TTN: variants seen among roughly 807,000 people sequenced by gnomAD.
TTN encodes the protein titin, also known as connectin.
In TTN, 1,525 loss-of-function variants were observed where a neutral mutation model predicts 3,223.0. That is an observed-to-expected ratio of 0.47 (90% CI 0.45 to 0.49). The LOEUF (loss-of-function observed/expected upper bound fraction) is 0.49, where lower values mean the gene tolerates loss of function less well. Ranked by LOEUF, TTN falls within the 20% of genes least tolerant of loss-of-function variation. The probability of loss-of-function intolerance (pLI) is 0.00; values close to 1 mark genes in which losing one functional copy is unlikely to be tolerated. For missense variants in TTN, 40,786 were observed against 43,424.0 expected (o/e 0.94, Z 5.40); for synonymous variants, 14,094 against 15,161.0 (o/e 0.93, Z 5.17).
intron 24 of TTN, chr2:178,778,426 CAAAA>C: frequency 7.4e-6 from 2 of 269,302 alleles, no homozygotes; most frequent in South Asian, 4.4e-5. Context: ...CAAAACAAAG[CAAAA>C]CAAGACTCCA....
In TTN at chr2:178,714,093, G is replaced by A. The variant is rs543103367; in HGVS notation, c.26565C>T (p.Gly8855=). ...ACCACTTAGTACTGAGTTCAGGGGT[G>A]CCAGCTACTGTACACTCCAAGGTAC... The part of the protein sequence containing the change: ...DTCTLECTVA[G]TPELSTKWFK... Residue 8855 remains glycine (G), a synonymous_variant, in exon 92 of 363, where the codon GGC becomes GGT. Transcript: ENST00000589042. The A allele has an allele frequency of 6.2e-7, 1 of 1,613,658 alleles. No homozygotes were observed. The highest frequency in any genetic ancestry group is 1.7e-5 in the Admixed American group (1 of 59,986).
At chr2:178,602,651 C>G in intron 282 of TTN, 61 bp from the exon 283 acceptor site, 1 of 1,280,644 alleles carries the variant, frequency 7.8e-7, no homozygotes, top group South Asian at 1.8e-5. Flanking sequence ...GTGCTGGAGT[C>G]TTTTACTACA....
Position 178,621,265 on chromosome 2 carries a change from C to T in TTN, c.45453G>A (p.Gln15151=). Residue 15151 remains glutamine, a synonymous_variant, in exon 246 of 363, where the codon CAG becomes CAA. Transcript: ENST00000589042. ...CSISKESFPV[Q]WKRDDKTLES... The stretch of plus-strand genomic sequence containing the variant: ...CAAGTGTCTTATCATCCCTCTTCCA[C>T]TGGACTGGAAAGCTTTCTTTTGATA... The T allele has an allele frequency of 1.9e-6, 3 of 1,612,300 alleles. No homozygotes were observed. In the African/African-American group the frequency reaches 4.0e-5, roughly 22 times the overall value.
chr2:178,693,681 C>A lies in TTN; in HGVS notation c.31522G>T (p.Val10508Leu). 6.3e-7 allele frequency: 1 copy of A among 1,593,972 alleles called. No homozygotes were observed. Among genetic ancestry groups the A allele is most frequent in the Non-Finnish European group, 8.6e-7 (1 of 1,166,948 alleles). Residue 10508 changes from valine to leucine, a missense_variant, in exon 119 of 363, where the codon GTA becomes TTA. Val to Leu is a conservative substitution (Grantham distance 32, BLOSUM62 1). Coordinates refer to ENST00000589042, the MANE Select transcript of TTN (RefSeq NM_001267550.2). The part of the protein sequence containing the change: ...EEEVSVTVPE[V>L]QKEIVTEEKI... ...TCTTCAGTAACAATTTCCTTTTGTA[C>A]CTCGGGGACTTAAAAAAATGTACAT...
chr2:178,599,983 G>T, intron 288 of TTN, 133 bp from the exon 289 acceptor site: 1 of 831,692 alleles, frequency 1.2e-6, no homozygotes, highest in Non-Finnish European at 1.8e-6. Context: ...ATAAAGAATG[G>T]TTCTGTCTTT....
At position 178,652,256 on chromosome 2, in the gene TTN, G is replaced by A. The variant is rs778828307; in HGVS notation, c.39211+8C>T. 2.7e-5 allele frequency: 43 copies of A among 1,613,468 alleles called. No homozygotes were observed. The South Asian group carries it at 4.3e-4, about 16-fold the overall frequency. On this transcript the variant is annotated splice_region_variant and intron_variant, in intron 203 of 362. Coordinates refer to ENST00000589042, the MANE Select transcript of TTN (RefSeq NM_001267550.2). Reference sequence around the variant, plus strand: ...CAATATCAAACACAGCACCATGAGGGTGTCTACCTTTTGTGGGTGGCACTT... The same window carrying A: ...CAATATCAAACACAGCACCATGAGGATGTCTACCTTTTGTGGGTGGCACTT...
In TTN at chr2:178,617,980, T is replaced by G. The variant is rs1269031927; in HGVS notation, c.47371A>C (p.Thr15791Pro). 1 of 1,612,670 alleles carries G rather than the reference T, an allele frequency of 6.2e-7. No individual in the cohort carries two copies. The highest frequency in any genetic ancestry group is 8.5e-7 in the Non-Finnish European group (1 of 1,179,128). The part of the protein sequence containing the change: ...PPEYDGGAEI[T>P]NYVIELRDKT... ...TCTCTTAATTCAATGACGTAGTTTG[T>G]GATCTCAGCACCTCCATCATACTCT... The change falls in exon 253 of 363, where the codon ACA becomes CCA. Residue 15791 changes from threonine (T) to proline (P), a missense_variant. Thr to Pro is a conservative substitution (Grantham distance 38). Transcript: ENST00000589042.
At position 178,692,559 on chromosome 2, in the gene TTN, G is replaced by C; in HGVS notation, c.31616C>G (p.Pro10539Arg). 1.9e-6 allele frequency: 3 copies of C among 1,566,402 alleles called. No homozygotes were observed. Among genetic ancestry groups the C allele is most frequent in the Non-Finnish European group, 2.6e-6 (3 of 1,158,240 alleles). ...PPKVPELPEKPAPEEVAPVPI... is the reference protein window; with the variant it reads ...PPKVPELPEKRAPEEVAPVPI... ...AACAGGGGCCACTTCTTCTGGAGCTGGTTTCTCAGGTAGCTCAGGGACTTT... is the reference window on the plus strand; with the variant it reads ...AACAGGGGCCACTTCTTCTGGAGCTCGTTTCTCAGGTAGCTCAGGGACTTT... Residue 10539 changes from proline to arginine, a missense_variant, in exon 120 of 363, where the codon CCA (proline) becomes CGA (arginine). Pro to Arg is a moderately radical substitution (Grantham distance 103). Coordinates refer to ENST00000589042, the MANE Select transcript of TTN (RefSeq NM_001267550.2).
rs751111629 is a variant in TTN, at chr2:178,537,164, G to A, written c.99945C>T (p.Pro33315=). 1.5e-5 allele frequency: 24 copies of A among 1,613,476 alleles called. No individual in the cohort carries two copies. In the East Asian group the frequency reaches 2.0e-4, roughly 13 times the overall value. ...TGATCCAGGAGCCTCCGTCATCTGC[G>A]GGTGGTTTCCAGCTGATCACTGCGG... The part of the protein sequence containing the change: ...KNSAVISWKP[P]ADDGGSWITN... Residue 33315 remains proline, a synonymous_variant, in exon 356 of 363, where the codon CCC becomes CCT. Transcript: ENST00000589042.
Position 178,669,368 on chromosome 2 carries a change from C to G in TTN, c.35545+5G>C. 6.6e-7 allele frequency: 1 copy of G among 1,522,204 alleles called. No homozygotes were observed. Among genetic ancestry groups the G allele is most frequent in the Non-Finnish European group, 8.7e-7 (1 of 1,143,888 alleles). The allele number at this position is 1,522,204 out of a possible 1,614,324, so 94.3% of individuals were successfully genotyped here. The stretch of plus-strand genomic sequence containing the variant: ...AAAAAGAACCACTAATTTTTCTACA[C>G]TCACTGTACATCTCTGTGTCTTCAG... On this transcript the variant is annotated splice_donor_5th_base_variant and intron_variant, in intron 159 of 362. Coordinates refer to ENST00000589042, the MANE Select transcript of TTN (RefSeq NM_001267550.2).
Position 178,714,506 on chromosome 2 carries a change from C to G in TTN, c.26268G>C (p.Gln8756His), listed in dbSNP as rs776025006. 1 of 1,613,372 alleles carries G rather than the reference C, an allele frequency of 6.2e-7. No homozygotes were observed. Among genetic ancestry groups the G allele is most frequent in the South Asian group, 1.1e-5 (1 of 91,032 alleles). The change falls in exon 91 of 363, where the codon CAG becomes CAC. Residue 8756 changes from glutamine to histidine, a missense_variant. Transcript: ENST00000589042. ...STVVGKEVQLQTTIEGAEPIS... is the reference protein window; with the variant it reads ...STVVGKEVQLHTTIEGAEPIS... ...TGGGTTCAGCGCCTTCAATGGTAGT[C>G]TGCAGCTGAACTTCTTTACCAACGA...
chr2:178,794,327 T>G, intron 8 of TTN, 72 bp downstream of exon 8: 1 of 1,602,708 alleles, frequency 6.2e-7, no homozygotes, highest in Non-Finnish European at 8.5e-7. Context: ...CCAAGCTCAG[T>G]GGATGGTGGT....
At chr2:178,583,310 G>T (rs2048194458) in intron 312 of TTN, 83 bp from the exon 313 acceptor site, 1 of 1,268,154 alleles carries the variant, frequency 7.9e-7, no homozygotes, top group East Asian at 2.6e-5. Context: ...AAATTCATAT[G>T]CTGCTTCTTT....
At chr2:178,627,881 A>G (rs2059267869) in intron 240 of TTN, among the ~76,000 whole-genome samples, 1 of 152,064 alleles carries the variant, frequency 6.6e-6, no homozygotes. Flanking sequence ...ATCTTGAAAA[A>G]GCAACCAATT....
chr2:178,597,502 T>C (rs759110060), intron 294 of TTN, 36 bp downstream of exon 294: 11 of 1,584,100 alleles, frequency 6.9e-6, no homozygotes, highest in South Asian at 2.3e-5. Flanking sequence ...AGAATGTTGG[T>C]TTAAAAAGTT....
chr2:178,776,711 C>T lies in TTN; in HGVS notation c.5153G>A (p.Gly1718Glu), dbSNP rs1421424286. 6.2e-7 allele frequency: 1 copy of T among 1,614,076 alleles called. No homozygotes were observed. Among genetic ancestry groups the T allele is most frequent in the Admixed American group, 1.7e-5 (1 of 60,008 alleles). ...KLTSLRLKRF[G>E]PAHFECRLTP... The stretch of plus-strand genomic sequence containing the variant: ...TAGCCTGCATTCAAAGTGGGCAGGC[C>T]CAAAGCGCTTAAGTCTTAAGGAAGT... The change falls in exon 28 of 363, where the codon GGG (glycine) becomes GAG (glutamate). Residue 1718 changes from glycine (G) to glutamate (E), a missense_variant. Transcript: ENST00000589042.
chr2:178,589,932 C>T lies in TTN; in HGVS notation c.61793G>A (p.Gly20598Asp). Reference protein sequence around the residue: ...ISWENPLDNGGSEITNFIVEY... With the variant: ...ISWENPLDNGDSEITNFIVEY... ...TACTATGAAGTTTGTTATTTCTGAG[C>T]CACCATTATCTAGTGGGTTTTCCCA... Residue 20598 changes from glycine (G) to aspartate (D), a missense_variant, in exon 304 of 363, where the codon GGC becomes GAC. Gly to Asp is a moderately conservative substitution (Grantham distance 94). Transcript: ENST00000589042. 1 of 1,613,236 alleles carries T rather than the reference C, an allele frequency of 6.2e-7. No homozygotes were observed. The highest frequency in any genetic ancestry group is 8.5e-7 in the Non-Finnish European group (1 of 1,179,540).
At position 178,558,428 on chromosome 2, in the gene TTN, A is replaced by G. The variant is rs2154156569; in HGVS notation, c.87031T>C (p.Tyr29011His). ...VVSGLRENSE[Y>H]FFRVFAENQA... ...TTTTCAGCAAACACTCGGAAAAAGT[A>G]TTCAGAATTCTCTCTCAGACCGGAA... Residue 29011 changes from tyrosine to histidine, a missense_variant, in exon 327 of 363, where the codon TAC becomes CAC. By Grantham distance (83) the Tyr-to-His change is moderately conservative. Coordinates refer to ENST00000589042, the MANE Select transcript of TTN (RefSeq NM_001267550.2). 4 of 1,613,798 alleles carry G rather than the reference A, an allele frequency of 2.5e-6. No individual in the cohort carries two copies. Among genetic ancestry groups the G allele is most frequent in the Non-Finnish European group, 3.4e-6 (4 of 1,179,832 alleles).
Position 178,536,514 on chromosome 2 carries a change from CA to C in TTN, c.100232del (p.Val33411GlyfsTer32). 6.5e-7 allele frequency: 1 copy of C among 1,547,424 alleles called. No homozygotes were observed. Among genetic ancestry groups the C allele is most frequent in the Non-Finnish European group, 8.7e-7 (1 of 1,149,404 alleles). Reference protein sequence around the residue: ...ITAVTKDSCVVAWKPPASDGG... With the variant: ...ITAVTKDSCVXAWKPPASDGG... ...CATCACTGGCAGGTGGCTTCCAGGC[CA>C]CAACACAAGAATCTTTTGTGACAGC... On this transcript the variant is annotated frameshift_variant, in exon 357 of 363. Coordinates refer to ENST00000589042, the MANE Select transcript of TTN (RefSeq NM_001267550.2). LOFTEE classifies it high-confidence loss of function.
Sources: allele counts gnomAD v4.1 joint callset (sites outside exome capture counted in the v4.1 genomes callset), GRCh38; gene constraint gnomAD v4.1.1; transcripts MANE v1.5; gene names NCBI Gene and HGNC (gene_info 2026-07-23, HGNC 2026-07-21).